The following FAM193A variants were observed in gnomAD, a reference collection of about 807,000 sequenced individuals.
FAM193A encodes protein FAM193A.
In FAM193A, 22 loss-of-function variants were observed where a neutral mutation model predicts 126.5. The observed-to-expected ratio is 0.17, with a 90% CI of 0.12 to 0.25. The LOEUF (loss-of-function observed/expected upper bound fraction) is 0.25, where lower values mean the gene tolerates loss of function less well. Among genes scored for constraint, FAM193A ranks in the 10% least tolerant of loss-of-function variants. The probability of loss-of-function intolerance (pLI) is 1.00; values close to 1 mark genes in which losing one functional copy is unlikely to be tolerated. For missense variants in FAM193A, 1,675 were observed against 1,672.8 expected, an observed-to-expected ratio of 1.00 and a Z score of -0.02; for synonymous variants, 761 against 646.8, an observed-to-expected ratio of 1.18 and a Z score of -2.68.
chr4:2,646,598 G>A, intron 6 of FAM193A, 87 bp from the exon 7 acceptor site: 1 of 1,382,846 alleles, frequency 7.2e-7, no homozygotes, highest in South Asian at 1.4e-5. Context: ...TGACAAAGCA[G>A]GATAGTATCA....
intron 1 of FAM193A, among the ~76,000 whole-genome samples, chr4:2,569,683 AT>A (rs960396499): frequency 6.6e-6 from 1 of 151,736 alleles, no homozygotes; most frequent in African/African-American, 2.4e-5. Flanking sequence ...ACTTTAAAAA[AT>A]TTTTAAAAGC....
intron 15 of FAM193A, among the ~76,000 whole-genome samples, chr4:2,692,961 AG>A (rs1206384992): frequency 6.6e-6 from 1 of 152,124 alleles, no homozygotes; most frequent in East Asian, 1.9e-4. Flanking sequence ...CCAGCACTTT[AG>A]GTGGCCCTGG....
chr4:2,624,635 T>A (rs1235459779), intron 2 of FAM193A, among the ~76,000 whole-genome samples: 2 of 152,198 alleles, frequency 1.3e-5, no homozygotes, highest in Non-Finnish European at 2.9e-5. Context: ...AGGTGGTCAT[T>A]GTGTGTGCTG....
intron 12 of FAM193A, 95 bp downstream of exon 12, chr4:2,663,383 C>T: frequency 9.7e-7 from 1 of 1,032,420 alleles, no homozygotes; most frequent in Non-Finnish European, 1.4e-6. Context: ...ATTTTGTTTC[C>T]CATAATTTCT....
intron 1 of FAM193A, among the ~76,000 whole-genome samples, chr4:2,578,288 C>T (rs1372816088): frequency 6.6e-6 from 1 of 152,070 alleles, no homozygotes; most frequent in Non-Finnish European, 1.5e-5. Flanking sequence ...GCTACCCGTG[C>T]ATTTTTTTTG....
chr4:2,632,422 A>G (rs1743684902), intron 5 of FAM193A, among the ~76,000 whole-genome samples: 1 of 151,934 alleles, frequency 6.6e-6, no homozygotes, highest in South Asian at 2.1e-4. Context: ...TTAAAATTAA[A>G]TTAACCAGGC....
At chr4:2,550,638 G>A (rs886980476) in intron 1 of FAM193A, among the ~76,000 whole-genome samples, 2 of 151,260 alleles carry the variant, frequency 1.3e-5, no homozygotes, top group African/African-American at 4.9e-5. Context: ...GTTTCTCCAT[G>A]TTGGTCAGGC....
chr4:2,610,353 G>A (rs774365345), intron 2 of FAM193A, among the ~76,000 whole-genome samples: 10 of 152,212 alleles, frequency 6.6e-5, no homozygotes, highest in African/African-American at 9.6e-5. Flanking sequence ...AGCCATTTAA[G>A]AGTTTGCTAG....
chr4:2,607,971 C>T, intron 2 of FAM193A: 1 of 1,545,074 alleles, frequency 6.5e-7, no homozygotes. Context: ...CCTTGAGATG[C>T]TACCAGGGCA....
chr4:2,546,179 A>G (rs997584294), intron 1 of FAM193A, among the ~76,000 whole-genome samples: 1 of 150,544 alleles, frequency 6.6e-6, no homozygotes, highest in Non-Finnish European at 1.5e-5. Flanking sequence ...TTTTGTAAAG[A>G]TGGGGTCCCA....
At chr4:2,712,471 A>G (rs1719085934) in intron 19 of FAM193A, among the ~76,000 whole-genome samples, 1 of 152,068 alleles carries the variant, frequency 6.6e-6, no homozygotes, top group Non-Finnish European at 1.5e-5. Context: ...CCTGCGGCCT[A>G]AGTCCTGCTC....
At chr4:2,611,613 A>G (rs908962777) in intron 2 of FAM193A, among the ~76,000 whole-genome samples, 26 of 151,686 alleles carry the variant, frequency 1.7e-4, no homozygotes, top group African/African-American at 6.3e-4. Context: ...GCATCTTTTC[A>G]TGTACCTATT....
At chr4:2,551,672 T>C (rs35999312) in intron 1 of FAM193A, among the ~76,000 whole-genome samples, 4,849 of 152,274 alleles carry the variant, frequency 0.032, 90 homozygotes, top group South Asian at 0.074. Context: ...CTTTTATTCT[T>C]CCTTGCCAGT....
intron 1 of FAM193A, among the ~76,000 whole-genome samples, chr4:2,579,566 G>A (rs1247199525): frequency 6.6e-6 from 1 of 152,084 alleles, no homozygotes; most frequent in East Asian, 1.9e-4. Flanking sequence ...AGACATAATG[G>A]CACTCGCCTG....
Position 2,609,175 on chromosome 4 carries a change from AGCCACC to A in FAM193A, c.501+12848_501+12853del, listed in dbSNP as rs200106605. Among the ~76,000 whole-genome samples the A allele has an allele frequency of 3.0e-4, 46 of 152,188 alleles. No individual in the cohort carries two copies. In the East Asian group the frequency reaches 8.7e-3, roughly 29 times the overall value. Reference sequence around the variant, plus strand: ...CCAAAGTGCTGGGATTACAGATCTGAGCCACCGTGCCTGGCTGAATTTCACCATTTT... The same window carrying A: ...CCAAAGTGCTGGGATTACAGATCTGAGTGCCTGGCTGAATTTCACCATTTT... On this transcript the variant is annotated intron_variant, in intron 2 of 20. Coordinates refer to ENST00000637812, the MANE Select transcript of FAM193A (RefSeq NM_001366318.2).
At chr4:2,709,902 T>A (rs1327629288) in intron 19 of FAM193A, among the ~76,000 whole-genome samples, 1 of 152,214 alleles carries the variant, frequency 6.6e-6, no homozygotes, top group Non-Finnish European at 1.5e-5. Context: ...ATTCTATCTC[T>A]AGTGAGGTTA....
At chr4:2,584,477 A>G (rs1011174188) in intron 1 of FAM193A, among the ~76,000 whole-genome samples, 3 of 151,892 alleles carry the variant, frequency 2.0e-5, no homozygotes, top group Non-Finnish European at 4.4e-5. Context: ...ACTGTTAAAT[A>G]CTATAAAAAT....
intron 19 of FAM193A, among the ~76,000 whole-genome samples, chr4:2,704,556 C>G (rs1269480404): frequency 6.6e-6 from 1 of 151,818 alleles, no homozygotes; most frequent in East Asian, 1.9e-4. Context: ...CAGAGCAAGA[C>G]CCTATCTGAA....
intron 2 of FAM193A, among the ~76,000 whole-genome samples, chr4:2,602,118 C>T (rs147988909): frequency 0.018 from 2,669 of 152,054 alleles, 63 homozygotes; most frequent in African/African-American, 0.051. Flanking sequence ...GGTTGACAGG[C>T]GTGAGCCACT....
Sources: allele counts gnomAD v4.1 joint callset (sites outside exome capture counted in the v4.1 genomes callset), GRCh38; gene constraint gnomAD v4.1.1; transcripts MANE v1.5; gene names NCBI Gene and HGNC (gene_info 2026-07-23, HGNC 2026-07-21).